The following NAV3 variants were observed in gnomAD, a reference collection of about 807,000 sequenced individuals.
NAV3 encodes the protein neuron navigator 3, also known as pore membrane and/or filament interacting like protein 1.
In NAV3, 87 loss-of-function variants were observed where a neutral mutation model predicts 244.7. The observed-to-expected ratio is 0.36, with a 90% CI of 0.30 to 0.42. The LOEUF (loss-of-function observed/expected upper bound fraction) is 0.42, where lower values mean the gene tolerates loss of function less well. Ranked by LOEUF, NAV3 falls within the 20% of genes least tolerant of loss-of-function variation. NAV3 has a pLI of 1.00. For missense variants in NAV3, 2,663 were observed against 2,893.3 expected (o/e 0.92, Z 1.83); for synonymous variants, 1,126 against 1,042.2 (o/e 1.08, Z -1.55).
At chr12:77,886,135 A>G (rs1883260492) in intron 1 of NAV3, among the ~76,000 whole-genome samples, 1 of 152,076 alleles carries the variant, frequency 6.6e-6, no homozygotes, top group African/African-American at 2.4e-5. Context: ...GCTGCCTGAG[A>G]AATGTAAATC....
chr12:78,003,765 G>A (rs113515647), intron 7 of NAV3, among the ~76,000 whole-genome samples: 3 of 152,208 alleles, frequency 2.0e-5, no homozygotes, highest in African/African-American at 7.2e-5. Context: ...TTATTTACAA[G>A]ATGAGATAAC....
intron 2 of NAV3, among the ~76,000 whole-genome samples, chr12:77,587,703 G>A (rs1408031166): frequency 1.3e-5 from 2 of 152,194 alleles, no homozygotes; most frequent in African/African-American, 4.8e-5. Context: ...CATTAAGAAT[G>A]AAAGATTAGC....
At chr12:77,711,577 A>G (rs1592607050) in intron 2 of NAV3, among the ~76,000 whole-genome samples, 1 of 152,172 alleles carries the variant, frequency 6.6e-6, no homozygotes, top group Non-Finnish European at 1.5e-5. Flanking sequence ...TGGCCATGGT[A>G]TGGAATGCGG....
intron 15 of NAV3, 115 bp downstream of exon 15, chr12:78,120,060 A>ATATG (rs1955605565): frequency 8.5e-6 from 4 of 471,196 alleles, no homozygotes; most frequent in African/African-American, 6.8e-5. Context: ...AGGTATATAT[A>ATATG]TATCTTAGAA....
chr12:77,657,269 G>C (rs1873161961), intron 2 of NAV3, among the ~76,000 whole-genome samples: 1 of 152,134 alleles, frequency 6.6e-6, no homozygotes, highest in African/African-American at 2.4e-5. Context: ...AAATGCTAAA[G>C]GGGATATCAC....
In NAV3 at chr12:78,094,991, G is replaced by C. The variant is rs1415002170; in HGVS notation, c.2637-21781G>C. 7.9e-5 allele frequency among the ~76,000 whole-genome samples: 12 copies of C among 151,036 alleles called. 1 individual carries two copies. On this transcript the variant is annotated intron_variant, in intron 12 of 39. Transcript: ENST00000397909. ...GAACCCAGGAGGCGAGGGTTGCAGT[G>C]AGCCGAGATCATGCCAGTGCACTCC...
intron 3 of NAV3, among the ~76,000 whole-genome samples, chr12:77,961,103 C>A (rs1165213613): frequency 7.0e-6 from 1 of 143,068 alleles, no homozygotes; most frequent in African/African-American, 2.5e-5. Flanking sequence ...CATGTATACG[C>A]ATATATGTAA....
intron 3 of NAV3, among the ~76,000 whole-genome samples, chr12:77,945,818 G>C (rs565829114): frequency 6.6e-6 from 1 of 151,946 alleles, no homozygotes; most frequent in South Asian, 2.1e-4. Flanking sequence ...TGTGATCGTG[G>C]CTCACTGCAA....
At chr12:77,966,190 A>G in intron 3 of NAV3, 39 bp from the exon 4 acceptor site, 5 of 1,553,316 alleles carry the variant, frequency 3.2e-6, no homozygotes, top group Non-Finnish European at 4.4e-6. Context: ...TTAAAATATA[A>G]TCCTCTAAGT....
At chr12:77,610,078 G>A (rs994123347) in intron 2 of NAV3, among the ~76,000 whole-genome samples, 1 of 151,856 alleles carries the variant, frequency 6.6e-6, no homozygotes, top group Non-Finnish European at 1.5e-5. Flanking sequence ...CTTTTTCAAT[G>A]TATTTTTGTT....
chr12:77,931,294 ATGTG>A (rs1364907464), intron 1 of NAV3, among the ~76,000 whole-genome samples: 1 of 151,936 alleles, frequency 6.6e-6, no homozygotes, highest in South Asian at 2.1e-4. Flanking sequence ...CTTCAAATAT[ATGTG>A]TGTGTATTTG....
At chr12:78,038,696 G>A (rs539354523) in intron 9 of NAV3, among the ~76,000 whole-genome samples, 1 of 152,208 alleles carries the variant, frequency 6.6e-6, no homozygotes, top group South Asian at 2.1e-4. Flanking sequence ...AGGGCTATGT[G>A]CAGCACAAAG....
intron 2 of NAV3, among the ~76,000 whole-genome samples, chr12:77,596,764 C>T (rs1457459282): frequency 6.6e-6 from 1 of 151,978 alleles, no homozygotes; most frequent in Admixed American, 6.6e-5. Context: ...CATTAACTAT[C>T]GAAGGAGTGG....
chr12:77,627,691 G>A (rs939673566), intron 2 of NAV3, among the ~76,000 whole-genome samples: 2 of 152,110 alleles, frequency 1.3e-5, no homozygotes, highest in African/African-American at 4.8e-5. Flanking sequence ...TTATCCAAAG[G>A]AAAGGAAATC....
intron 1 of NAV3, among the ~76,000 whole-genome samples, chr12:77,905,961 C>T (rs1157084572): frequency 6.6e-6 from 1 of 152,150 alleles, no homozygotes; most frequent in Non-Finnish European, 1.5e-5. Context: ...GGGTAGTTAA[C>T]TGTCACTAGA....
At chr12:77,935,011 AG>A (rs1889189735) in intron 1 of NAV3, among the ~76,000 whole-genome samples, 1 of 152,166 alleles carries the variant, frequency 6.6e-6, no homozygotes, top group Admixed American at 6.5e-5. Context: ...TCGATTATTT[AG>A]GATTCCTTAA....
chr12:77,933,323 G>C (rs146859332), intron 1 of NAV3, among the ~76,000 whole-genome samples: 344 of 152,254 alleles, frequency 2.3e-3, no homozygotes, highest in African/African-American at 7.5e-3. Flanking sequence ...GGCAATGATA[G>C]TAGCAATGGA....
At chr12:78,047,893 G>A (rs924015532) in intron 9 of NAV3, among the ~76,000 whole-genome samples, 1 of 152,136 alleles carries the variant, frequency 6.6e-6, no homozygotes, top group Non-Finnish European at 1.5e-5. Flanking sequence ...TTTCTTGGAG[G>A]CTTTGTTTGT....
chr12:77,921,885 T>A (rs2137181160), intron 1 of NAV3, among the ~76,000 whole-genome samples: 1 of 152,282 alleles, frequency 6.6e-6, no homozygotes, highest in African/African-American at 2.4e-5. Flanking sequence ...AGTCAATGAA[T>A]CTGAGCTTCA....
Sources: gnomAD v4.1 joint callset for allele counts (sites outside exome capture counted in the v4.1 genomes callset) on GRCh38, gnomAD v4.1.1 for gene constraint, MANE v1.5 for transcripts, NCBI Gene and HGNC (gene_info 2026-07-23, HGNC 2026-07-21) for gene names.